SPNS2: variants seen among roughly 807,000 people sequenced by gnomAD.
The protein encoded by SPNS2 is SPNS lysolipid transporter 2, sphingosine-1-phosphate, also known as sphingosine-1-phosphate transporter SPNS2.
Under a neutral mutation model 57.6 loss-of-function variants are expected in SPNS2, and 37 were observed. The observed-to-expected ratio is 0.64, with a 90% CI of 0.49 to 0.85. The LOEUF (loss-of-function observed/expected upper bound fraction) is 0.85. Among genes scored for constraint, SPNS2 ranks in the 40% least tolerant of loss-of-function variants. The pLI is 0.00. For synonymous variants in SPNS2, 440 were observed against 346.9 expected (o/e 1.27, Z -2.98); for missense variants, 831 against 779.1 (o/e 1.07, Z -0.79).
At chr17:4,533,744 G>A (rs370535740) in intron 8 of SPNS2, 44 bp from the exon 9 acceptor site, 238 of 1,607,018 alleles carry the variant, frequency 1.5e-4, no homozygotes, top group Non-Finnish European at 1.7e-4. Flanking sequence ...TGGTTGCTGC[G>A]GATGGAGGGA....
rs373959099 is a variant in SPNS2 at position 4,533,258 on chromosome 17, C to T, written c.1104C>T (p.Ala368=). ...GTCCCCACAGCCTCATCTTTGGGGC[C>T]ATCACCTGCTTTACGGGATTTCTGG... ...CGAKDSLIFG[A]ITCFTGFLGV... Residue 368 remains alanine (A), a synonymous_variant, in exon 8 of 13, where the codon GCC becomes GCT. Transcript: ENST00000329078. 2.5e-6 allele frequency: 4 copies of T among 1,604,512 alleles called. No homozygotes were observed. Among genetic ancestry groups the T allele is most frequent in the South Asian group, 2.2e-5 (2 of 90,064 alleles).
intron 1 of SPNS2, among the ~76,000 whole-genome samples, chr17:4,504,093 G>A (rs1428896826): frequency 6.6e-6 from 1 of 151,880 alleles, no homozygotes; most frequent in Non-Finnish European, 1.5e-5. Flanking sequence ...GCTAAGCCAG[G>A]CCCTGTCTTG....
rs922448493 is a variant in SPNS2 at position 4,538,770 on chromosome 17, T to C, written c.*1322T>C. 4.1e-6 allele frequency: 3 copies of C among 732,414 alleles called. No individual in the cohort carries two copies. Among genetic ancestry groups the C allele is most frequent in the Non-Finnish European group, 7.4e-6 (3 of 405,262 alleles). 45.4% of individuals were successfully genotyped at this position (732,414 alleles called of 1,614,324 possible). A position where few individuals can be genotyped will look rare whatever the true frequency, so the allele number is the denominator to read the frequency against. ...CAGGTGGAATACTCACCCACCAAGC[T>C]CTGGGGTACCCCGAGGGCCTGACAA... On this transcript the variant is annotated 3_prime_UTR_variant, in exon 13 of 13. Coordinates refer to ENST00000329078, the MANE Select transcript of SPNS2 (RefSeq NM_001124758.3).
rs1904841478 is a variant in SPNS2 at position 4,512,052 on chromosome 17, T to A, written c.371-1195T>A. 1.3e-5 allele frequency among the ~76,000 whole-genome samples: 2 copies of A among 152,180 alleles called. No homozygotes were observed. Among genetic ancestry groups the A allele is most frequent in the African/African-American group, 4.8e-5 (2 of 41,434 alleles). The stretch of plus-strand genomic sequence containing the variant: ...CCAGCCTCCTAGGGCTGTGTGGGGA[T>A]TATACAGGCATTTAATGCTCAGTTC... On this transcript the variant is annotated intron_variant, in intron 1 of 12. Coordinates refer to ENST00000329078, the MANE Select transcript of SPNS2 (RefSeq NM_001124758.3). This position sits in a 1 kb window ranked among gnomAD's most constrained non-coding sequence, Gnocchi z 5.2.
At chr17:4,525,032 C>T (rs771541932) in intron 2 of SPNS2, 25 bp from the exon 3 acceptor site, 5 of 1,609,150 alleles carry the variant, frequency 3.1e-6, no homozygotes, top group Non-Finnish European at 4.3e-6. Context: ...CCTGGGCCCC[C>T]CCTCAAGCTC....
At chr17:4,508,475 GTC>G (rs1460403912) in intron 1 of SPNS2, among the ~76,000 whole-genome samples, 1 of 152,246 alleles carries the variant, frequency 6.6e-6, no homozygotes, top group African/African-American at 2.4e-5. Context: ...GATCTTCCCA[GTC>G]TCTGCATTTA....
chr17:4,533,993 G>A (rs1309907521), intron 9 of SPNS2, 140 bp downstream of exon 9: 4 of 829,758 alleles, frequency 4.8e-6, no homozygotes, highest in African/African-American at 1.7e-5. Flanking sequence ...CCAGAGGCAG[G>A]GAGGGGATCA....
At chr17:4,525,890 C>T (rs761848769) in intron 3 of SPNS2, among the ~76,000 whole-genome samples, 3 of 152,186 alleles carry the variant, frequency 2.0e-5, no homozygotes, top group Non-Finnish European at 4.4e-5. Context: ...GTTCCTCCTT[C>T]CAAAGATGAG....
At position 4,537,925 on chromosome 17, in the gene SPNS2, C is replaced by T. The variant is rs995451240; in HGVS notation, c.*477C>T. 5.0e-5 allele frequency: 20 copies of T among 396,232 alleles called. No individual in the cohort carries two copies. In the Admixed American group the frequency reaches 5.4e-4, roughly 11 times the overall value. 24.5% of individuals were successfully genotyped at this position (396,232 alleles called of 1,614,324 possible). A position where few individuals can be genotyped will look rare whatever the true frequency, so the allele number is the denominator to read the frequency against. On this transcript the variant is annotated 3_prime_UTR_variant, in exon 13 of 13. Transcript: ENST00000329078. ...GCAGGTGGCCCAGGCCTCAGGGCGGCAGTCCCGGCTTTGAGGCTCACGCGA... is the reference window on the plus strand; with the variant it reads ...GCAGGTGGCCCAGGCCTCAGGGCGGTAGTCCCGGCTTTGAGGCTCACGCGA...
intron 3 of SPNS2, among the ~76,000 whole-genome samples, chr17:4,530,391 GT>G (rs1412560825): frequency 6.6e-6 from 1 of 152,208 alleles, no homozygotes; most frequent in African/African-American, 2.4e-5. Context: ...AGCTGGGATA[GT>G]CCCGTCCCAT....
Position 4,532,978 on chromosome 17 carries a change from C to G in SPNS2, c.937C>G (p.Arg313Gly), listed in dbSNP as rs202191854. 11 of 1,610,198 alleles carry G rather than the reference C, an allele frequency of 6.8e-6. No individual in the cohort carries two copies. The highest frequency in any genetic ancestry group is 6.8e-6 in the Non-Finnish European group (8 of 1,178,270). The change falls in exon 7 of 13, where the codon CGC (arginine) becomes GGC (glycine). Residue 313 changes from arginine to glycine, a missense_variant and splice_region_variant. Transcript: ENST00000329078. ...TGTCACTGCCTGGCCTCTCCCCAGC[C>G]GCAGCTACGTCTTCTCCTCCCTGGC... ...LRDMKALIRN[R>G]SYVFSSLATS... is the part of the protein sequence containing the mutation.
intron 2 of SPNS2, 72 bp from the exon 3 acceptor site, chr17:4,524,985 C>T: frequency 2.5e-6 from 4 of 1,578,264 alleles, no homozygotes; most frequent in Non-Finnish European, 3.5e-6. Flanking sequence ...TGGCCCCAAG[C>T]CGGAGTGAAA....
chr17:4,535,261 G>A (rs1315875210), intron 9 of SPNS2, among the ~76,000 whole-genome samples: 3 of 152,280 alleles, frequency 2.0e-5, no homozygotes, highest in Admixed American at 6.5e-5. Context: ...GGGGTCTGGG[G>A]CCCAGCAGTG....
intron 2 of SPNS2, among the ~76,000 whole-genome samples, chr17:4,516,265 G>A (rs1400750475): frequency 7.4e-6 from 1 of 135,904 alleles, no homozygotes; most frequent in Admixed American, 8.4e-5. Flanking sequence ...AGTAAGCCCA[G>A]ATTGCGCCAT....
rs1239516018 is a variant in SPNS2, at chr17:4,528,485, CAG to C, written c.574-2144_574-2143del. Among the ~76,000 whole-genome samples the C allele has an allele frequency of 3.3e-5, 5 of 151,958 alleles. No homozygotes were observed. The South Asian group carries it at 6.3e-4, about 19-fold the overall frequency. ...TTTTTAAATATTGTTTATTTTGAGA[CAG>C]AGTTTCGCTCTTTCACCCAGGCTGG... is the stretch of plus-strand genomic sequence containing the variant. On this transcript the variant is annotated intron_variant, in intron 3 of 12. Transcript: ENST00000329078.
At chr17:4,523,171 G>A (rs571420481) in intron 2 of SPNS2, among the ~76,000 whole-genome samples, 1 of 152,350 alleles carries the variant, frequency 6.6e-6, no homozygotes, top group African/African-American at 2.4e-5. Flanking sequence ...GGGTGCAGTG[G>A]CTCACGCCTG....
At chr17:4,529,541 G>A (rs750393289) in intron 3 of SPNS2, among the ~76,000 whole-genome samples, 5 of 152,094 alleles carry the variant, frequency 3.3e-5, no homozygotes, top group African/African-American at 4.8e-5. Context: ...GTGTGGTGTC[G>A]GGTGCCTATA....
intron 2 of SPNS2, among the ~76,000 whole-genome samples, chr17:4,522,992 C>T (rs1905176732): frequency 6.6e-6 from 1 of 152,232 alleles, no homozygotes; most frequent in Non-Finnish European, 1.5e-5. Flanking sequence ...GGCTCCGGGG[C>T]CCCACCCCAG....
chr17:4,536,031 T>G, intron 9 of SPNS2, 45 bp from the exon 10 acceptor site: 9 of 1,569,090 alleles, frequency 5.7e-6, no homozygotes, highest in Non-Finnish European at 7.8e-6. Context: ...GCCAAGCGCG[T>G]GAGCCTTTCT....
Sources: gnomAD v4.1 joint callset for allele counts (sites outside exome capture counted in the v4.1 genomes callset) on GRCh38, gnomAD v4.1.1 for gene constraint, Gnocchi (gnomAD v3.1) non-coding constraint, MANE v1.5 for transcripts, NCBI Gene and HGNC (gene_info 2026-07-23, HGNC 2026-07-21) for gene names.